The following NFX1 variants were observed in gnomAD, a reference collection of about 807,000 sequenced individuals.
NFX1 encodes the protein nuclear transcription factor, X-box binding 1.
In NFX1, 69 loss-of-function variants were observed where a neutral mutation model predicts 137.2. That is an observed-to-expected ratio of 0.50 (90% CI 0.41 to 0.61). NFX1 has a LOEUF of 0.61. Among genes scored for constraint, NFX1 ranks in the 20% least tolerant of loss-of-function variants. The probability of loss-of-function intolerance (pLI) is 0.00; values close to 1 mark genes in which losing one functional copy is unlikely to be tolerated. For synonymous variants in NFX1, 495 were observed against 474.1 expected (o/e 1.04, Z -0.57); for missense variants, 1,167 against 1,391.0 (o/e 0.84, Z 2.56).
intron 11 of NFX1, among the ~76,000 whole-genome samples, chr9:33,336,599 A>G (rs950768881): frequency 3.3e-5 from 5 of 152,038 alleles, no homozygotes; most frequent in African/African-American, 1.2e-4. Flanking sequence ...TCTCAATGTT[A>G]GGTTTTAAAA....
rs706128 is a variant in NFX1, at chr9:33,311,102, T to C, written c.1377-4T>C. On this transcript the variant is annotated splice_polypyrimidine_tract_variant and splice_region_variant and intron_variant, in intron 5 of 23. Coordinates refer to ENST00000379540, the MANE Select transcript of NFX1 (RefSeq NM_002504.6). ...GTTTATTCAGTGAAACCTTTCTCTT[T>C]CAGTCTCTGCCATCCAGGACCCTGC... 7,509 of 1,614,088 alleles carry C rather than the reference T, an allele frequency of 4.7e-3. 324 individuals are homozygous for C. The African/African-American group carries it at 0.088, about 19-fold the overall frequency.
Position 33,369,998 on chromosome 9 carries a change from G to T in NFX1, c.*20G>T. ...GACTAAGAAGATCATGATGCACTTA[G>T]ATAAAAGAATGATTAGGTATAGTGG... On this transcript the variant is annotated 3_prime_UTR_variant, in exon 24 of 24. Transcript: ENST00000379540. 1 of 1,584,070 alleles carries T rather than the reference G, an allele frequency of 6.3e-7. No individual in the cohort carries two copies. The highest frequency in any genetic ancestry group is 8.7e-7 in the Non-Finnish European group (1 of 1,153,816).
intron 10 of NFX1, among the ~76,000 whole-genome samples, chr9:33,330,066 T>G (rs1040878844): frequency 1.3e-5 from 2 of 152,212 alleles, no homozygotes; most frequent in Admixed American, 6.5e-5. Flanking sequence ...AATGCTGGGA[T>G]TACAGACGTG....
At chr9:33,361,499 G>A (rs1213029894) in intron 19 of NFX1, among the ~76,000 whole-genome samples, 2 of 152,078 alleles carry the variant, frequency 1.3e-5, no homozygotes, top group African/African-American at 4.8e-5. Flanking sequence ...AAGGCTGGGC[G>A]CAGTGGCTCA....
chr9:33,352,704 C>T lies in NFX1; in HGVS notation c.2714C>T (p.Ser905Phe). 1 of 1,613,934 alleles carries T rather than the reference C, an allele frequency of 6.2e-7. No homozygotes were observed. The highest frequency in any genetic ancestry group is 8.5e-7 in the Non-Finnish European group (1 of 1,179,792). ...RKEMVICSEA[S>F]STYQRIAAIS... is the part of the protein sequence containing the mutation. Reference sequence around the variant, plus strand: ...GAGATGGTGATTTGCTCTGAAGCATCTAGTACTTATCAAAGGTTAGTGTTA... The same window carrying T: ...GAGATGGTGATTTGCTCTGAAGCATTTAGTACTTATCAAAGGTTAGTGTTA... Residue 905 changes from serine to phenylalanine, a missense_variant, in exon 17 of 24, where the codon TCT becomes TTT. Ser to Phe is a radical substitution (Grantham distance 155). This residue lies in a region of NFX1 where 312 missense variants were observed against 312.8 expected (regional missense o/e 1.00). Transcript: ENST00000379540.
chr9:33,352,433 C>G (rs1220092668), intron 16 of NFX1: 1 of 660,616 alleles, frequency 1.5e-6, no homozygotes, highest in Non-Finnish European at 2.8e-6. Context: ...AGGTGGTTTC[C>G]AAAAGGGGGC....
intron 9 of NFX1, among the ~76,000 whole-genome samples, chr9:33,326,128 G>C (rs534199768): frequency 6.1e-4 from 93 of 151,998 alleles, no homozygotes; most frequent in African/African-American, 1.3e-3. Context: ...TGTATAAGAG[G>C]GGGGCTAGGC....
At chr9:33,358,002 A>G (rs1382800438) in intron 19 of NFX1, among the ~76,000 whole-genome samples, 1 of 152,064 alleles carries the variant, frequency 6.6e-6, no homozygotes, top group Non-Finnish European at 1.5e-5. Flanking sequence ...CTTGCATTTC[A>G]TGTCTTCTTT....
Position 33,290,608 on chromosome 9 carries a change from G to T in NFX1, c.25+11G>T. 6.2e-7 allele frequency: 1 copy of T among 1,612,178 alleles called. No individual in the cohort carries two copies. The highest frequency in any genetic ancestry group is 8.5e-7 in the Non-Finnish European group (1 of 1,179,468). ...CGCCTCCTGTCTCAGGTATTGTCCC[G>T]GCCCGAGCGGGACTGGGCCCCTTTC... On this transcript the variant is annotated intron_variant, in intron 1 of 23. Transcript: ENST00000379540.
chr9:33,311,786 C>T (rs1033775625), intron 6 of NFX1, among the ~76,000 whole-genome samples: 6 of 152,194 alleles, frequency 3.9e-5, no homozygotes, highest in East Asian at 3.9e-4. Context: ...CTATTGACTT[C>T]GTGATCCACC....
At chr9:33,351,147 A>AAAAT (rs955204814) in intron 15 of NFX1, among the ~76,000 whole-genome samples, 2 of 152,100 alleles carry the variant, frequency 1.3e-5, no homozygotes, top group African/African-American at 2.4e-5. Context: ...ACTTCGTCTC[A>AAAAT]AAATAAATAA....
chr9:33,361,437 G>C (rs1286893634), intron 19 of NFX1, among the ~76,000 whole-genome samples: 1 of 151,948 alleles, frequency 6.6e-6, no homozygotes, highest in African/African-American at 2.4e-5. Flanking sequence ...TTATTTTTGG[G>C]GGGGTGAGAC....
At chr9:33,327,562 T>A (rs1320534650) in intron 9 of NFX1, among the ~76,000 whole-genome samples, 1 of 148,442 alleles carries the variant, frequency 6.7e-6, no homozygotes, top group Non-Finnish European at 1.5e-5. Flanking sequence ...AGACAGGGTT[T>A]CACCATGTTG....
At chr9:33,307,714 G>A (rs945838560) in intron 5 of NFX1, among the ~76,000 whole-genome samples, 6 of 152,082 alleles carry the variant, frequency 3.9e-5, no homozygotes, top group African/African-American at 1.4e-4. Flanking sequence ...CCTTCTGTCT[G>A]GGGAAAGACA....
At chr9:33,335,231 T>C (rs56372045) in intron 11 of NFX1, among the ~76,000 whole-genome samples, 8 of 144,006 alleles carry the variant, frequency 5.6e-5, no homozygotes, top group Non-Finnish European at 7.6e-5. Context: ...CTTTTTCTTT[T>C]TTTTTTTTTT....
At position 33,294,639 on chromosome 9, in the gene NFX1, G is replaced by C; in HGVS notation, c.245G>C (p.Ser82Thr). Reference protein sequence around the residue: ...SYHPSGSKPKSQQTSFQSSPC... With the variant: ...SYHPSGSKPKTQQTSFQSSPC... ...CATCCGTCAGGAAGCAAACCTAAGA[G>C]TCAGCAGACGTCTTTCCAGTCCTCT... The change falls in exon 2 of 24, where the codon AGT becomes ACT. Residue 82 changes from serine to threonine, a missense_variant. Physicochemically the swap from Ser to Thr is moderately conservative, Grantham distance 58. This residue lies in a region of NFX1 where 367 missense variants were observed against 386.7 expected (regional missense o/e 0.95). Transcript: ENST00000379540. 6.2e-7 allele frequency: 1 copy of C among 1,614,162 alleles called. No individual in the cohort carries two copies. The highest frequency in any genetic ancestry group is 2.2e-5 in the East Asian group (1 of 44,882).
intron 19 of NFX1, among the ~76,000 whole-genome samples, chr9:33,362,221 C>G (rs1824018652): frequency 6.6e-6 from 1 of 151,930 alleles, no homozygotes. Context: ...ATGGAATTTC[C>G]TCACATTAAA....
At position 33,294,355 on chromosome 9, in the gene NFX1, G is replaced by A. The variant is rs758263494; in HGVS notation, c.26-65G>A. 1,143 of 1,400,638 alleles carry A rather than the reference G, an allele frequency of 8.2e-4. 1 individual carries two copies. The highest frequency in any genetic ancestry group is 1.1e-3 in the Admixed American group (47 of 43,662). The allele number at this position is 1,400,638 out of a possible 1,614,324, so 86.8% of individuals were successfully genotyped here. ...GAAAGTAATTTTTAGATTTGGCTTG[G>A]AGTCTATGAGTTTCATGGATGAAGT... is the stretch of plus-strand genomic sequence containing the variant. On this transcript the variant is annotated intron_variant, in intron 1 of 23. Coordinates refer to ENST00000379540, the MANE Select transcript of NFX1 (RefSeq NM_002504.6).
chr9:33,350,582 G>A (rs1269741563), intron 15 of NFX1, among the ~76,000 whole-genome samples: 2 of 152,192 alleles, frequency 1.3e-5, no homozygotes, highest in Non-Finnish European at 2.9e-5. Flanking sequence ...ATCCTTTTGA[G>A]TCATAACAGG....
Sources: allele counts gnomAD v4.1 joint callset (sites outside exome capture counted in the v4.1 genomes callset), GRCh38; gene constraint gnomAD v4.1.1; regional missense constraint gnomAD v4.1.1; transcripts MANE v1.5; gene names NCBI Gene and HGNC (gene_info 2026-07-23, HGNC 2026-07-21).